The following GSPT1 variants were observed in gnomAD, a reference collection of about 807,000 sequenced individuals.
GSPT1 encodes eukaryotic peptide chain release factor GTP-binding subunit ERF3A.
GSPT1 carries 20 observed loss-of-function variants against 72.5 expected under a neutral mutation model. The ratio of observed to expected loss-of-function variants is 0.28; its 90% confidence interval spans 0.19 to 0.40. GSPT1 has a LOEUF of 0.40. Among genes scored for constraint, GSPT1 ranks in the 10% least tolerant of loss-of-function variants. The pLI is 1.00. For synonymous variants in GSPT1, 334 were observed against 293.5 expected (o/e 1.14, Z -1.41); for missense variants, 580 against 811.9 (o/e 0.71, Z 3.47).
rs1387614880 is a variant in GSPT1, at chr16:11,868,291, G to C, written c.*4828C>G. ...AAGAAAAAGCTTTCTTTCCTACCTA[G>C]AGCACTCTTCCATGCTTTGGAATTA... On this transcript the variant is annotated 3_prime_UTR_variant, in exon 15 of 15. Coordinates refer to ENST00000434724, the MANE Select transcript of GSPT1 (RefSeq NM_002094.4). 1 of 151,012 alleles carries C rather than the reference G, an allele frequency of 6.6e-6. No homozygotes were observed. Among genetic ancestry groups the C allele is most frequent in the East Asian group, 1.9e-4 (1 of 5,170 alleles). 9.4% of individuals were successfully genotyped at this position (151,012 alleles called of 1,614,324 possible). A position where few individuals can be genotyped will look rare whatever the true frequency, so the allele number is the denominator to read the frequency against.
intron 1 of GSPT1, among the ~76,000 whole-genome samples, chr16:11,905,178 C>T (rs1174054352): frequency 6.6e-6 from 1 of 152,178 alleles, no homozygotes; most frequent in African/African-American, 2.4e-5. Context: ...AAGTGTCTCA[C>T]ATTGCATGAA....
chr16:11,890,568 C>T (rs572956809), intron 6 of GSPT1, among the ~76,000 whole-genome samples: 2 of 152,182 alleles, frequency 1.3e-5, no homozygotes, highest in African/African-American at 4.8e-5. Flanking sequence ...GTAAGGCTTG[C>T]TAACTTTTTA....
Position 11,891,124 on chromosome 16 carries a change from C to T in GSPT1, c.714G>A (p.Met238Ile). ...ACTTTTCAAGCGTCCTTTTGTCAAC[C>T]ATTCCAGTCAAATACCTGAAAACAT... is the stretch of plus-strand genomic sequence containing the variant. The part of the protein sequence containing the change: ...IGGQIMYLTG[M>I]VDKRTLEKYE... Residue 238 changes from methionine (M) to isoleucine (I), a missense_variant, in exon 6 of 15, where the codon ATG (methionine) becomes ATA (isoleucine). Physicochemically the swap from Met to Ile is conservative, Grantham distance 10. Transcript: ENST00000434724. The T allele has an allele frequency of 6.7e-7, 1 of 1,487,288 alleles. No individual in the cohort carries two copies. The highest frequency in any genetic ancestry group is 9.1e-7 in the Non-Finnish European group (1 of 1,099,208). 92.1% of individuals were successfully genotyped at this position (1,487,288 alleles called of 1,614,324 possible). A position where few individuals can be genotyped will look rare whatever the true frequency, so the allele number is the denominator to read the frequency against.
Position 11,890,812 on chromosome 16 carries a change from A to G in GSPT1, c.776+250T>C, listed in dbSNP as rs144946926. The G allele has an allele frequency of 2.3e-3, 629 of 270,048 alleles. 3 individuals carry two copies. The highest frequency in any genetic ancestry group is 2.4e-3 in the Non-Finnish European group (339 of 143,932). 16.7% of individuals were successfully genotyped at this position (270,048 alleles called of 1,614,324 possible). A position where few individuals can be genotyped will look rare whatever the true frequency, so the allele number is the denominator to read the frequency against. The stretch of plus-strand genomic sequence containing the variant: ...TTTTCAGTGGTTGCAAAATCACCCA[A>G]TTAAATGGATGGTTTATAGTATTTT... On this transcript the variant is annotated intron_variant, in intron 6 of 14. Coordinates refer to ENST00000434724, the MANE Select transcript of GSPT1 (RefSeq NM_002094.4).
chr16:11,878,736 A>G (rs2054079657), intron 11 of GSPT1, among the ~76,000 whole-genome samples: 1 of 151,982 alleles, frequency 6.6e-6, no homozygotes, highest in Non-Finnish European at 1.5e-5. Flanking sequence ...ACCTGAGAGG[A>G]GATACACGGG....
chr16:11,911,735 T>C (rs1242245547), intron 1 of GSPT1, among the ~76,000 whole-genome samples: 1 of 151,382 alleles, frequency 6.6e-6, no homozygotes, highest in Non-Finnish European at 1.5e-5. Flanking sequence ...ATATTTTTAA[T>C]AGAGACAGGT....
rs1392744740 is a variant in GSPT1 at position 11,871,120 on chromosome 16, AAAAT to A, written c.*1995_*1998del. The stretch of plus-strand genomic sequence containing the variant: ...GATTAAAGCTCCTATATTTTCCAGA[AAAAT>A]AAAAGCCCAGAGATTTGCAGACATA... On this transcript the variant is annotated 3_prime_UTR_variant, in exon 15 of 15. Transcript: ENST00000434724. The A allele has an allele frequency of 1.3e-5, 2 of 152,204 alleles. No homozygotes were observed. Among genetic ancestry groups the A allele is most frequent in the Non-Finnish European group, 2.9e-5 (2 of 68,042 alleles). The allele number at this position is 152,204 out of a possible 1,614,324, so 9.4% of individuals were successfully genotyped here.
chr16:11,890,997 A>G (rs2054251467), intron 6 of GSPT1, 65 bp downstream of exon 6: 1 of 735,146 alleles, frequency 1.4e-6, no homozygotes, highest in African/African-American at 1.8e-5. Context: ...AACAGGCTCC[A>G]AAAGCACTAA....
chr16:11,875,957 C>A (rs1474740117), intron 13 of GSPT1, 28 bp from the exon 14 acceptor site: 1 of 1,581,318 alleles, frequency 6.3e-7, no homozygotes, highest in Non-Finnish European at 8.7e-7. Flanking sequence ...ATGAGAAAAT[C>A]AGAATAATGC....
Position 11,898,024 on chromosome 16 carries a change from A to G in GSPT1, c.364T>C (p.Ser122Pro). 1 of 1,546,262 alleles carries G rather than the reference A, an allele frequency of 6.5e-7. No individual in the cohort carries two copies. The change falls in exon 2 of 15, where the codon TCC becomes CCC. Residue 122 changes from serine to proline, a missense_variant. Physicochemically the swap from Ser to Pro is moderately conservative, Grantham distance 74. Transcript: ENST00000434724. ...CACAATGACTGTTCCTCTTGAGAGG[A>G]TTCCACAGGTGCTGTTTAACAGAAA... ...GAGGRAAPVE[S>P]SQEEQSLCEG...
intron 5 of GSPT1, among the ~76,000 whole-genome samples, chr16:11,893,947 G>C (rs1024813210): frequency 6.6e-6 from 1 of 151,830 alleles, no homozygotes; most frequent in Non-Finnish European, 1.5e-5. Context: ...TTGACCCCAA[G>C]AGGTCAAGAC....
rs79880118 is a variant in GSPT1, at chr16:11,877,094, G to C, written c.1602+313C>G. Reference sequence around the variant, plus strand: ...TGCTGTCAATGAGCACATAAACCATGACTTCCACAGTAACTGTGCTCTGGT... The same window carrying C: ...TGCTGTCAATGAGCACATAAACCATCACTTCCACAGTAACTGTGCTCTGGT... On this transcript the variant is annotated intron_variant, in intron 12 of 14. Transcript: ENST00000434724. The surrounding 1 kb of genome is among the most constrained non-coding windows in gnomAD (Gnocchi z 4.0). 0.012 allele frequency among the ~76,000 whole-genome samples: 1,823 copies of C among 152,290 alleles called. 36 individuals are homozygous for C. Among genetic ancestry groups the C allele is most frequent in the African/African-American group, 0.042 (1,751 of 41,560 alleles).
chr16:11,911,685 T>C (rs2054559036), intron 1 of GSPT1, among the ~76,000 whole-genome samples: 1 of 151,432 alleles, frequency 6.6e-6, no homozygotes, highest in African/African-American at 2.4e-5. Flanking sequence ...CCCCAGTAGC[T>C]GGGACTACGG....
intron 1 of GSPT1, among the ~76,000 whole-genome samples, chr16:11,913,231 T>A (rs1304484650): frequency 6.6e-6 from 1 of 152,248 alleles, no homozygotes; most frequent in Non-Finnish European, 1.5e-5. Context: ...AGTCTCAATA[T>A]AACCCTGGAC....
At chr16:11,894,437 T>C (rs2054309246) in intron 5 of GSPT1, among the ~76,000 whole-genome samples, 1 of 152,124 alleles carries the variant, frequency 6.6e-6, no homozygotes, top group African/African-American at 2.4e-5. Flanking sequence ...TAAATCCATA[T>C]ACATTTAAGG....
At chr16:11,900,226 G>A (rs146980991) in intron 1 of GSPT1, among the ~76,000 whole-genome samples, 4 of 151,854 alleles carry the variant, frequency 2.6e-5, no homozygotes, top group Admixed American at 6.6e-5. Context: ...CCAGCTACTC[G>A]GGAGGCCAAG....
rs773792532 is a variant in GSPT1, at chr16:11,915,466, G to A, written c.255C>T (p.Phe85=). The change falls in exon 1 of 15, where the codon TTC becomes TTT. Residue 85 remains phenylalanine (F), a synonymous_variant. Coordinates refer to ENST00000434724, the MANE Select transcript of GSPT1 (RefSeq NM_002094.4). ...PFVPNVHAAE[F]VPSFLRGPAA... ...CCGGGCCCCGCAGGAAGGACGGCAC[G>A]AACTCGGCGGCGTGGACGTTGGGCA... 16 of 1,548,370 alleles carry A rather than the reference G, an allele frequency of 1.0e-5. No individual in the cohort carries two copies. The South Asian group carries it at 1.8e-4, about 17-fold the overall frequency.
intron 6 of GSPT1, among the ~76,000 whole-genome samples, chr16:11,890,551 C>G (rs1357397836): frequency 2.0e-5 from 3 of 152,122 alleles, no homozygotes; most frequent in Non-Finnish European, 4.4e-5. Flanking sequence ...GTCAATATCC[C>G]ATTGAGGTAA....
chr16:11,903,174 T>C (rs2150884054), intron 1 of GSPT1, among the ~76,000 whole-genome samples: 1 of 152,266 alleles, frequency 6.6e-6, no homozygotes, highest in South Asian at 2.1e-4. Context: ...TCATAGAATA[T>C]GTGGTGTTTG....
Sources: gnomAD v4.1 joint callset for allele counts (sites outside exome capture counted in the v4.1 genomes callset) on GRCh38, gnomAD v4.1.1 for gene constraint, Gnocchi (gnomAD v3.1) non-coding constraint, MANE v1.5 for transcripts, NCBI Gene and HGNC (gene_info 2026-07-23, HGNC 2026-07-21) for gene names.